The following GRIA4 variants were observed in gnomAD, a reference collection of about 807,000 sequenced individuals.
GRIA4 encodes the protein glutamate ionotropic receptor AMPA type subunit 4.
In GRIA4, 34 loss-of-function variants were observed where a neutral mutation model predicts 104.0. The ratio of observed to expected loss-of-function variants is 0.33; its 90% CI spans 0.25 to 0.44. The LOEUF is 0.44. GRIA4 is among the 20% of genes least tolerant of loss of function. The pLI is 1.00. For missense variants in GRIA4, 750 were observed against 1,096.5 expected (o/e 0.68, Z 4.46); for synonymous variants, 386 against 381.9 (o/e 1.01, Z -0.13).
intron 4 of GRIA4, among the ~76,000 whole-genome samples, chr11:105,837,938 G>A (rs1241885642): frequency 2.0e-5 from 3 of 152,012 alleles, no homozygotes; most frequent in East Asian, 1.9e-4. Context: ...CTAATGGGAC[G>A]AAAGAGATAA....
intron 4 of GRIA4, among the ~76,000 whole-genome samples, chr11:105,818,408 T>G (rs1420932713): frequency 6.6e-6 from 1 of 152,168 alleles, no homozygotes; most frequent in Non-Finnish European, 1.5e-5. Flanking sequence ...ATAACCTGCA[T>G]GCCTGGCTGG....
chr11:105,819,359 C>G (rs1943496811), intron 4 of GRIA4, among the ~76,000 whole-genome samples: 4 of 152,088 alleles, frequency 2.6e-5, no homozygotes, highest in Admixed American at 2.6e-4. Flanking sequence ...TAAAAATGAT[C>G]ATGAGCCTAT....
chr11:105,952,770 T>A (rs144577729), intron 14 of GRIA4, among the ~76,000 whole-genome samples: 83 of 152,302 alleles, frequency 5.4e-4, no homozygotes, highest in African/African-American at 1.8e-3. Flanking sequence ...AATCCTTCCT[T>A]ATCAAAGTAG....
At chr11:105,932,393 A>G (rs1022230393) in intron 13 of GRIA4, among the ~76,000 whole-genome samples, 3 of 152,084 alleles carry the variant, frequency 2.0e-5, no homozygotes, top group African/African-American at 7.2e-5. Flanking sequence ...CTTTATGATC[A>G]GGTGATCCAC....
intron 5 of GRIA4, among the ~76,000 whole-genome samples, chr11:105,877,741 G>A (rs559955999): frequency 2.6e-5 from 4 of 152,248 alleles, no homozygotes; most frequent in East Asian, 1.9e-4. Context: ...TTCTCATGCT[G>A]TGTTTTTCAG....
chr11:105,971,246 G>GAT (rs1858676374), intron 14 of GRIA4, among the ~76,000 whole-genome samples: 1 of 152,176 alleles, frequency 6.6e-6, no homozygotes, highest in Admixed American at 6.5e-5. Flanking sequence ...TGCTTCTGGT[G>GAT]ATATTATTTA....
chr11:105,833,143 G>C lies in GRIA4; in HGVS notation c.488-28881G>C, dbSNP rs117007291. 1.5e-3 allele frequency among the ~76,000 whole-genome samples: 234 copies of C among 151,984 alleles called. 7 individuals carry two copies. The East Asian group carries it at 0.033, about 21-fold the overall frequency. ...CTTCTTCACGCTGTATTTCTATGCA[G>C]TTTTCCTTTCTTGTCACGCATACAA... On this transcript the variant is annotated intron_variant, in intron 4 of 16. Coordinates refer to ENST00000282499, the MANE Select transcript of GRIA4 (RefSeq NM_000829.4).
chr11:105,786,606 G>A (rs955159801), intron 4 of GRIA4, among the ~76,000 whole-genome samples: 2 of 152,138 alleles, frequency 1.3e-5, no homozygotes, highest in Non-Finnish European at 2.9e-5. Context: ...ACATAACCTA[G>A]TCTTTCCCTT....
chr11:105,815,753 A>C (rs1394250955), intron 4 of GRIA4, among the ~76,000 whole-genome samples: 2 of 152,218 alleles, frequency 1.3e-5, no homozygotes, highest in Non-Finnish European at 2.9e-5. Flanking sequence ...TTGGAAATAA[A>C]GTCTGCTATA....
intron 3 of GRIA4, among the ~76,000 whole-genome samples, chr11:105,679,825 A>G (rs1041857859): frequency 2.6e-5 from 4 of 152,132 alleles, no homozygotes. Flanking sequence ...TGAGCTCAGC[A>G]AGATCCTCAG....
At chr11:105,864,668 C>A (rs758486482) in intron 5 of GRIA4, among the ~76,000 whole-genome samples, 1 of 151,962 alleles carries the variant, frequency 6.6e-6, no homozygotes, top group Non-Finnish European at 1.5e-5. Flanking sequence ...GTCGGGAGTT[C>A]GAGACCAGCC....
chr11:105,643,838 C>A (rs1951442550), intron 3 of GRIA4, among the ~76,000 whole-genome samples: 1 of 152,140 alleles, frequency 6.6e-6, no homozygotes, highest in African/African-American at 2.4e-5. Context: ...CCTGCCTAAG[C>A]CTCCCCAGTA....
chr11:105,863,505 G>A (rs1945302104), intron 5 of GRIA4, among the ~76,000 whole-genome samples: 1 of 152,036 alleles, frequency 6.6e-6, no homozygotes, highest in Admixed American at 6.6e-5. Context: ...TTTTGAAGTT[G>A]TAGCTATTCA....
intron 14 of GRIA4, among the ~76,000 whole-genome samples, chr11:105,970,399 T>C (rs1858624106): frequency 6.6e-6 from 1 of 152,176 alleles, no homozygotes; most frequent in African/African-American, 2.4e-5. Flanking sequence ...TCTTCTGCTA[T>C]TAATATTTTT....
chr11:105,818,711 G>A lies in GRIA4; in HGVS notation c.488-43313G>A, dbSNP rs544003427. ...CTGTGCACTGGAGAGGGCATAATGGGAACCAAATGGCCAAAGGGCAAGGAA... is the reference window on the plus strand; with the variant it reads ...CTGTGCACTGGAGAGGGCATAATGGAAACCAAATGGCCAAAGGGCAAGGAA... On this transcript the variant is annotated intron_variant, in intron 4 of 16. Transcript: ENST00000282499. 9.2e-5 allele frequency among the ~76,000 whole-genome samples: 14 copies of A among 152,170 alleles called. No homozygotes were observed. In the South Asian group the frequency reaches 2.5e-3, roughly 27 times the overall value.
In GRIA4 at chr11:105,905,269, G is replaced by A; in HGVS notation, c.1126G>A (p.Val376Met). 1 of 1,602,252 alleles carries A rather than the reference G, an allele frequency of 6.2e-7. No individual in the cohort carries two copies. Among genetic ancestry groups the A allele is most frequent in the Non-Finnish European group, 8.6e-7 (1 of 1,169,352 alleles). ...ACGTAGAGTCAATTACACAATGGAT[G>A]TGTTTGAGCTGAAAAGCACAGGACC... Reference protein sequence around the residue: ...YGRRVNYTMDVFELKSTGPRK... With the variant: ...YGRRVNYTMDMFELKSTGPRK... Residue 376 changes from valine (V) to methionine (M), a missense_variant, in exon 9 of 17, where the codon GTG (valine) becomes ATG (methionine). Physicochemically the swap from Val to Met is conservative, Grantham distance 21 (BLOSUM62 1). This residue lies in a region of GRIA4 where 410 missense variants were observed against 502.7 expected (regional missense o/e 0.82). Coordinates refer to ENST00000282499, the MANE Select transcript of GRIA4 (RefSeq NM_000829.4).
At chr11:105,772,024 G>T (rs1941229540) in intron 4 of GRIA4, among the ~76,000 whole-genome samples, 1 of 152,010 alleles carries the variant, frequency 6.6e-6, no homozygotes, top group East Asian at 1.9e-4. Context: ...GCATAAAATT[G>T]ACTATAGTAC....
chr11:105,887,007 T>A (rs1311689518), intron 5 of GRIA4, among the ~76,000 whole-genome samples: 2 of 151,992 alleles, frequency 1.3e-5, no homozygotes, highest in African/African-American at 2.4e-5. Context: ...CAGGTGAGAA[T>A]TCACTAAATA....
intron 3 of GRIA4, among the ~76,000 whole-genome samples, chr11:105,729,173 T>G (rs1468658204): frequency 6.6e-6 from 1 of 151,998 alleles, no homozygotes; most frequent in Non-Finnish European, 1.5e-5. Context: ...AAGGGGAGAT[T>G]ACCACTCATT....
Sources: allele counts gnomAD v4.1 joint callset (sites outside exome capture counted in the v4.1 genomes callset), GRCh38; gene constraint gnomAD v4.1.1; regional missense constraint gnomAD v4.1.1; transcripts MANE v1.5; gene names NCBI Gene and HGNC (gene_info 2026-07-23, HGNC 2026-07-21).